The following RBMS3 variants were observed in gnomAD, a reference collection of about 807,000 sequenced individuals.
RBMS3 encodes the protein RNA binding motif single stranded interacting protein 3.
RBMS3 carries 27 observed loss-of-function variants against 66.8 expected under a neutral mutation model. That is an observed-to-expected ratio of 0.40 (90% CI 0.30 to 0.56). The LOEUF (loss-of-function observed/expected upper bound fraction) is 0.56, where lower values mean the gene tolerates loss of function less well. RBMS3 is among the 20% of genes least tolerant of loss of function. The pLI, the probability that RBMS3 is intolerant of heterozygous loss-of-function variation, is 0.40. For missense variants in RBMS3, 513 were observed against 549.5 expected (o/e 0.93, Z 0.66); for synonymous variants, 188 against 183.0 (o/e 1.03, Z -0.22).
At chr3:29,894,094 T>A (rs572850649) in intron 8 of RBMS3, among the ~76,000 whole-genome samples, 1 of 151,698 alleles carries the variant, frequency 6.6e-6, no homozygotes, top group Non-Finnish European at 1.5e-5. Context: ...ATTGATTTGG[T>A]GGCTTAAACA....
intron 7 of RBMS3, among the ~76,000 whole-genome samples, chr3:29,881,000 C>T (rs754391390): frequency 3.7e-4 from 55 of 147,704 alleles, no homozygotes; most frequent in Admixed American, 1.6e-3. Context: ...ATAATGTCCC[C>T]GCTCTGAAAT....
At chr3:29,728,061 A>C (rs1045239975) in intron 4 of RBMS3, among the ~76,000 whole-genome samples, 1 of 152,202 alleles carries the variant, frequency 6.6e-6, no homozygotes, top group Non-Finnish European at 1.5e-5. Context: ...TTGCGGGGAC[A>C]TGGATGAAGC....
chr3:29,864,812 A>C (rs2149541122), intron 6 of RBMS3, among the ~76,000 whole-genome samples: 1 of 129,212 alleles, frequency 7.7e-6, no homozygotes, highest in South Asian at 2.5e-4. Context: ...ATGTAAAAGA[A>C]AGGAAGGAAG....
intron 3 of RBMS3, among the ~76,000 whole-genome samples, chr3:29,548,462 G>A (rs765756445): frequency 2.5e-4 from 38 of 150,464 alleles, no homozygotes; most frequent in Non-Finnish European, 2.4e-4. Context: ...AAAACAAAAC[G>A]ACGTTAATGA....
intron 6 of RBMS3, among the ~76,000 whole-genome samples, chr3:29,843,885 G>A (rs2058719033): frequency 6.6e-6 from 1 of 151,948 alleles, no homozygotes; most frequent in South Asian, 2.1e-4. Flanking sequence ...GAAGCGGGCA[G>A]AGGTTGCAGT....
At chr3:29,567,545 G>A (rs770967161) in intron 3 of RBMS3, among the ~76,000 whole-genome samples, 17 of 152,060 alleles carry the variant, frequency 1.1e-4, no homozygotes, top group Non-Finnish European at 1.8e-4. Flanking sequence ...TAGAATCAGC[G>A]TTGTCAAGCT....
At chr3:29,745,236 T>TTG (rs1167390180) in intron 5 of RBMS3, among the ~76,000 whole-genome samples, 2 of 142,398 alleles carry the variant, frequency 1.4e-5, no homozygotes, top group African/African-American at 2.5e-5. Flanking sequence ...TTATTTTATT[T>TTG]TGTGTGTGTG....
chr3:29,432,564 C>A (rs1161260738), intron 1 of RBMS3, among the ~76,000 whole-genome samples: 1 of 152,032 alleles, frequency 6.6e-6, no homozygotes, highest in African/African-American at 2.4e-5. Context: ...TATATAGTAA[C>A]CTAAATATTT....
At chr3:29,736,543 C>A (rs2054386499) in intron 4 of RBMS3, among the ~76,000 whole-genome samples, 1 of 145,952 alleles carries the variant, frequency 6.9e-6, no homozygotes, top group Non-Finnish European at 1.5e-5. Flanking sequence ...TAATTATTAA[C>A]CTGATCAAGG....
chr3:29,812,161 C>T (rs1006629402), intron 6 of RBMS3, among the ~76,000 whole-genome samples: 6 of 152,050 alleles, frequency 3.9e-5, no homozygotes, highest in African/African-American at 9.7e-5. Context: ...CCCTCCCTAA[C>T]ATGTGGAATT....
intron 4 of RBMS3, among the ~76,000 whole-genome samples, chr3:29,723,166 G>A (rs2053717265): frequency 6.6e-6 from 1 of 151,826 alleles, no homozygotes; most frequent in Admixed American, 6.6e-5. Context: ...TAGTAGAGAT[G>A]GGGTTTCACC....
At chr3:29,566,161 C>G (rs1273966551) in intron 3 of RBMS3, among the ~76,000 whole-genome samples, 2 of 152,070 alleles carry the variant, frequency 1.3e-5, no homozygotes, top group Non-Finnish European at 2.9e-5. Context: ...CCATTCTGTT[C>G]TCTATGATCT....
intron 1 of RBMS3, among the ~76,000 whole-genome samples, chr3:29,315,152 C>A (rs1020983708): frequency 6.6e-6 from 1 of 151,652 alleles, no homozygotes; most frequent in Non-Finnish European, 1.5e-5. Context: ...TTATCAATAA[C>A]CTTAACATGT....
chr3:29,595,665 C>T (rs76909866), intron 4 of RBMS3, among the ~76,000 whole-genome samples: 3,072 of 152,226 alleles, frequency 0.02, 43 homozygotes, highest in Middle Eastern at 0.034. Flanking sequence ...CTTTGTCCCA[C>T]GTAGATTCTG....
At chr3:29,503,195 C>T (rs1052946672) in intron 3 of RBMS3, among the ~76,000 whole-genome samples, 1 of 152,036 alleles carries the variant, frequency 6.6e-6, no homozygotes, top group African/African-American at 2.4e-5. Context: ...ATCCAGGCAC[C>T]AATTCTTGCA....
intron 11 of RBMS3, among the ~76,000 whole-genome samples, chr3:29,943,254 A>G (rs1398115273): frequency 1.3e-5 from 2 of 151,852 alleles, no homozygotes; most frequent in African/African-American, 2.4e-5. Flanking sequence ...ACACAAGAGG[A>G]CCTATTTAAC....
At chr3:29,653,329 A>T (rs28402874) in intron 4 of RBMS3, among the ~76,000 whole-genome samples, 31,985 of 152,032 alleles carry the variant, frequency 0.21, 3,820 homozygotes, top group East Asian at 0.34. Context: ...AGTAGAAACT[A>T]TTACCCTCAC....
chr3:29,956,505 A>G (rs1696056124), intron 12 of RBMS3, among the ~76,000 whole-genome samples: 1 of 152,030 alleles, frequency 6.6e-6, no homozygotes, highest in African/African-American at 2.4e-5. Context: ...CAAATTTTTG[A>G]TCTAAATAAG....
At chr3:29,388,327 A>G (rs1440895674) in intron 1 of RBMS3, among the ~76,000 whole-genome samples, 1 of 152,190 alleles carries the variant, frequency 6.6e-6, no homozygotes, top group Non-Finnish European at 1.5e-5. Flanking sequence ...ATTCATTGCC[A>G]GATTTTTAGC....
Sources: allele counts gnomAD v4.1 joint callset (sites outside exome capture counted in the v4.1 genomes callset), GRCh38; gene constraint gnomAD v4.1.1; transcripts MANE v1.5; gene names NCBI Gene and HGNC (gene_info 2026-07-23, HGNC 2026-07-21).